Variants in MAGI2 observed in about 807,000 individuals in gnomAD.
MAGI2 encodes membrane associated guanylate kinase, WW and PDZ domain containing 2.
Under a neutral mutation model 133.3 loss-of-function variants are expected in MAGI2, and 35 were observed. The ratio of observed to expected loss-of-function variants is 0.26; its 90% confidence interval spans 0.20 to 0.35. The LOEUF is 0.35. Ranked by LOEUF, MAGI2 falls within the 10% of genes least tolerant of loss-of-function variation. MAGI2 has a pLI of 1.00. For synonymous variants in MAGI2, 729 were observed against 710.6 expected, an observed-to-expected ratio of 1.03 and a Z score of -0.41; for missense variants, 1,636 against 1,863.4, an observed-to-expected ratio of 0.88 and a Z score of 2.25.
intron 1 of MAGI2, among the ~76,000 whole-genome samples, chr7:79,245,097 C>T (rs1165751881): frequency 1.3e-5 from 2 of 152,180 alleles, no homozygotes; most frequent in Non-Finnish European, 2.9e-5. Context: ...CTAAAGAGCA[C>T]TTGGTCCCTG....
At chr7:79,131,158 G>T (rs1184957049) in intron 1 of MAGI2, among the ~76,000 whole-genome samples, 1 of 152,130 alleles carries the variant, frequency 6.6e-6, no homozygotes, top group African/African-American at 2.4e-5. Context: ...AAGTAAGGTT[G>T]GAGGATCTCC....
chr7:78,422,451 T>C (rs1798888221), intron 6 of MAGI2, among the ~76,000 whole-genome samples: 1 of 152,164 alleles, frequency 6.6e-6, no homozygotes, highest in Non-Finnish European at 1.5e-5. Context: ...ACACTTGTTA[T>C]AAGTGTTTTT....
At chr7:78,505,269 T>C (rs1333927930) in intron 4 of MAGI2, among the ~76,000 whole-genome samples, 2 of 152,138 alleles carry the variant, frequency 1.3e-5, no homozygotes, top group East Asian at 3.8e-4. Flanking sequence ...AATACTTATC[T>C]AATATCTAAT....
chr7:78,486,811 C>A, intron 6 of MAGI2: 1 of 445,310 alleles, frequency 2.2e-6, no homozygotes, highest in East Asian at 6.0e-5. Flanking sequence ...TACTACTGCC[C>A]TAGAAATTGC....
intron 9 of MAGI2, chr7:78,285,660 C>T (rs1253481393): frequency 1.3e-5 from 2 of 152,162 alleles, no homozygotes; most frequent in Non-Finnish European, 2.9e-5. Flanking sequence ...CCTCTCTGTG[C>T]TCTAAGCTCA....
At chr7:79,202,805 C>T (rs1828727530) in intron 1 of MAGI2, among the ~76,000 whole-genome samples, 1 of 151,944 alleles carries the variant, frequency 6.6e-6, no homozygotes. Context: ...ACTTATATTT[C>T]TTCTTGTGAT....
intron 1 of MAGI2, among the ~76,000 whole-genome samples, chr7:79,089,648 C>A (rs1296040720): frequency 6.6e-6 from 1 of 152,084 alleles, no homozygotes; most frequent in South Asian, 2.1e-4. Context: ...GAGTTCATGT[C>A]TTTTGCAGGA....
chr7:79,036,117 A>G (rs1811102700), intron 1 of MAGI2, among the ~76,000 whole-genome samples: 1 of 152,236 alleles, frequency 6.6e-6, no homozygotes, highest in Non-Finnish European at 1.5e-5. Flanking sequence ...AAAATGTGAC[A>G]GCCCAGTAAG....
chr7:79,129,657 ATGCTTGCAGAAAATAAGTCTCAC>A lies in MAGI2; in HGVS notation c.302-122474_302-122452del, dbSNP rs549494864. Among the ~76,000 whole-genome samples the A allele has an allele frequency of 4.0e-3, 611 of 152,326 alleles. 2 individuals carry two copies. Among genetic ancestry groups the A allele is most frequent in the African/African-American group, 0.014 (586 of 41,570 alleles). ...TTTCAATAGGGATGCTTTAAATACGATGCTTGCAGAAAATAAGTCTCACTGCTTTAACAGAATAGGCCACAGAA... is the reference window on the plus strand; with the variant it reads ...TTTCAATAGGGATGCTTTAAATACGATGCTTTAACAGAATAGGCCACAGAA... On this transcript the variant is annotated intron_variant, in intron 1 of 21. Transcript: ENST00000354212.
intron 6 of MAGI2, among the ~76,000 whole-genome samples, chr7:78,450,862 A>G (rs1027635696): frequency 6.6e-6 from 1 of 152,124 alleles, no homozygotes; most frequent in African/African-American, 2.4e-5. Context: ...TTGGTCTGGC[A>G]TAGTGATATA....
chr7:79,196,949 T>C (rs1232827123), intron 1 of MAGI2, among the ~76,000 whole-genome samples: 1 of 151,632 alleles, frequency 6.6e-6, no homozygotes, highest in African/African-American at 2.4e-5. Flanking sequence ...TGATTTTTTA[T>C]ATATATAGAG....
intron 2 of MAGI2, among the ~76,000 whole-genome samples, chr7:78,870,615 A>G (rs1464158647): frequency 6.6e-6 from 1 of 152,186 alleles, no homozygotes; most frequent in African/African-American, 2.4e-5. Flanking sequence ...GTAAACTAGT[A>G]CAACCACTAT....
At chr7:79,251,124 T>C (rs760224266) in intron 1 of MAGI2, among the ~76,000 whole-genome samples, 2 of 152,084 alleles carry the variant, frequency 1.3e-5, no homozygotes, top group Non-Finnish European at 2.9e-5. Context: ...GACCTCAAAC[T>C]ATGAAACTAC....
intron 16 of MAGI2, 29 bp downstream of exon 16, chr7:78,159,996 T>G (rs2150607294): frequency 6.5e-7 from 1 of 1,527,500 alleles, no homozygotes; most frequent in East Asian, 2.3e-5. Context: ...AGACCCCTTA[T>G]TCAAATGCAG....
Position 78,305,202 on chromosome 7 carries a change from A to AT in MAGI2, c.1408+38575dup, listed in dbSNP as rs561443326. ...CCACGTGTTTTGCCTTTCTTGTCTG[A>AT]TTTTCTCCATCTGGAATGCAGCTCT... On this transcript the variant is annotated intron_variant, in intron 9 of 21. Transcript: ENST00000354212. Among the ~76,000 whole-genome samples the AT allele has an allele frequency of 1.5e-3, 221 of 152,030 alleles. 1 individual carries two copies. The highest frequency in any genetic ancestry group is 9.9e-3 in the East Asian group (51 of 5,154).
At chr7:78,670,541 T>G (rs1327009849) in intron 2 of MAGI2, among the ~76,000 whole-genome samples, 2 of 152,136 alleles carry the variant, frequency 1.3e-5, no homozygotes, top group Non-Finnish European at 2.9e-5. Flanking sequence ...AAGCTACCAA[T>G]GACTTTCTTC....
intron 2 of MAGI2, among the ~76,000 whole-genome samples, chr7:78,748,867 A>G (rs1823185697): frequency 6.6e-6 from 1 of 152,232 alleles, no homozygotes; most frequent in Non-Finnish European, 1.5e-5. Context: ...TGGGTTTTGC[A>G]TAATTCAAGA....
rs773589023 is a variant in MAGI2, at chr7:78,260,408, C to T, written c.1409-3827G>A. On this transcript the variant is annotated intron_variant, in intron 9 of 21. Transcript: ENST00000354212. The stretch of plus-strand genomic sequence containing the variant: ...CTCTAACCTGTTGGCCTACTTAAGA[C>T]GGAGAATTGGAAGAGTCACTTGATC... 1.9e-4 allele frequency among the ~76,000 whole-genome samples: 29 copies of T among 152,092 alleles called. 1 individual carries two copies. The highest frequency in any genetic ancestry group is 2.4e-4 in the African/African-American group (10 of 41,404).
intron 9 of MAGI2, among the ~76,000 whole-genome samples, chr7:78,332,622 C>T (rs1018016418): frequency 1.3e-5 from 2 of 150,022 alleles, no homozygotes; most frequent in Non-Finnish European, 3.0e-5. Context: ...GGTGTGAACC[C>T]GGGAGGCAGA....
Sources: allele counts gnomAD v4.1 joint callset (sites outside exome capture counted in the v4.1 genomes callset), GRCh38; gene constraint gnomAD v4.1.1; transcripts MANE v1.5; gene names NCBI Gene and HGNC (gene_info 2026-07-23, HGNC 2026-07-21).